RPS6KA2: variants seen among roughly 807,000 people sequenced by gnomAD.
RPS6KA2 encodes ribosomal protein S6 kinase alpha-2.
RPS6KA2 carries 42 observed loss-of-function variants against 91.8 expected under a neutral mutation model. The observed-to-expected ratio is 0.46, with a 90% CI of 0.36 to 0.59. RPS6KA2 has a LOEUF of 0.59. Among genes scored for constraint, RPS6KA2 ranks in the 20% least tolerant of loss-of-function variants. The pLI is 0.00. For synonymous variants in RPS6KA2, 414 were observed against 393.6 expected, an observed-to-expected ratio of 1.05 and a Z score of -0.61; for missense variants, 798 against 978.5, an observed-to-expected ratio of 0.82 and a Z score of 2.46.
chr6:166,546,305 C>G (rs1783825859), intron 1 of RPS6KA2, among the ~76,000 whole-genome samples: 1 of 152,048 alleles, frequency 6.6e-6, no homozygotes, highest in African/African-American at 2.4e-5. Context: ...TAGATGGGAC[C>G]ATTTCCGGTC....
chr6:166,410,031 G>T lies in RPS6KA2; in HGVS notation c.*2731C>A, dbSNP rs1459614267. 1 of 152,218 alleles carries T rather than the reference G, an allele frequency of 6.6e-6. No homozygotes were observed. Among genetic ancestry groups the T allele is most frequent in the African/African-American group, 2.4e-5 (1 of 41,450 alleles). 9.4% of individuals were successfully genotyped at this position (152,218 alleles called of 1,614,324 possible). On this transcript the variant is annotated 3_prime_UTR_variant, in exon 21 of 21. Transcript: ENST00000265678. Reference sequence around the variant, plus strand: ...AAAGCTCTCCCACTGCAGATTGGGAGAATCAGGTATTTCTCCCACATGGGG... The same window carrying T: ...AAAGCTCTCCCACTGCAGATTGGGATAATCAGGTATTTCTCCCACATGGGG...
intron 6 of RPS6KA2, among the ~76,000 whole-genome samples, chr6:166,503,759 T>C (rs1457564035): frequency 1.3e-5 from 2 of 152,210 alleles, no homozygotes; most frequent in South Asian, 2.1e-4. Flanking sequence ...ACAAAGAATA[T>C]GTAAAAACAA....
At chr6:166,658,110 G>C (rs778509774) in intron 2 of RPS6KA2, among the ~76,000 whole-genome samples, 1 of 152,144 alleles carries the variant, frequency 6.6e-6, no homozygotes, top group African/African-American at 2.4e-5. Context: ...TTAAACTCCC[G>C]ACCTCAGGTG....
intron 2 of RPS6KA2, among the ~76,000 whole-genome samples, chr6:166,797,156 G>A (rs760038640): frequency 6.6e-5 from 10 of 152,298 alleles, no homozygotes; most frequent in South Asian, 4.1e-4. Flanking sequence ...CTCTGCTGCC[G>A]CATCTCTGTG....
chr6:166,604,202 C>T (rs1012922135), intron 1 of RPS6KA2, among the ~76,000 whole-genome samples: 6 of 152,056 alleles, frequency 3.9e-5, no homozygotes, highest in Non-Finnish European at 7.4e-5. Context: ...GGAGATGTGA[C>T]GGGGACAAAT....
intron 2 of RPS6KA2, among the ~76,000 whole-genome samples, chr6:166,837,482 A>G (rs1780349845): frequency 6.6e-6 from 1 of 152,148 alleles, no homozygotes; most frequent in African/African-American, 2.4e-5. Flanking sequence ...GGAAAAGGCG[A>G]CCGCAGGGTG....
At chr6:166,486,327 G>A (rs1781409308) in intron 10 of RPS6KA2, among the ~76,000 whole-genome samples, 1 of 152,144 alleles carries the variant, frequency 6.6e-6, no homozygotes, top group South Asian at 2.1e-4. Flanking sequence ...GCTGCAGCAT[G>A]GGCCCTCTGT....
intron 3 of RPS6KA2, among the ~76,000 whole-genome samples, chr6:166,526,404 G>A (rs534350114): frequency 8.7e-5 from 12 of 138,590 alleles, no homozygotes; most frequent in Non-Finnish European, 1.5e-4. Context: ...GGAGTGCAGT[G>A]GCACAATCAC....
At chr6:166,796,765 A>G (rs928349081) in intron 2 of RPS6KA2, among the ~76,000 whole-genome samples, 16 of 152,112 alleles carry the variant, frequency 1.1e-4, no homozygotes, top group Admixed American at 6.5e-4. Flanking sequence ...CACAGTCCTG[A>G]GTGCACGCAC....
intron 2 of RPS6KA2, among the ~76,000 whole-genome samples, chr6:166,715,221 A>G (rs1256771845): frequency 6.6e-6 from 1 of 152,214 alleles, no homozygotes; most frequent in Non-Finnish European, 1.5e-5. Context: ...CTTCCCTCCA[A>G]CTTGGCTGGG....
At chr6:166,686,465 C>T (rs925606401) in intron 2 of RPS6KA2, among the ~76,000 whole-genome samples, 1 of 152,210 alleles carries the variant, frequency 6.6e-6, no homozygotes, top group African/African-American at 2.4e-5. Context: ...TGATGCCAAA[C>T]CAGCACCTCC....
intron 2 of RPS6KA2, among the ~76,000 whole-genome samples, chr6:166,831,882 A>G (rs1055727698): frequency 7.7e-6 from 1 of 129,450 alleles, no homozygotes; most frequent in African/African-American, 2.7e-5. Flanking sequence ...TGATAGACAG[A>G]TGATAGATGG....
chr6:166,585,498 C>CTTTTTT (rs58153048), intron 1 of RPS6KA2, among the ~76,000 whole-genome samples: 1 of 86,306 alleles, frequency 1.2e-5, no homozygotes, highest in Non-Finnish European at 2.0e-5. Flanking sequence ...TCAAACAAGT[C>CTTTTTT]TTTTTTTTTT....
At chr6:166,620,982 G>A (rs1209802619) in intron 1 of RPS6KA2, among the ~76,000 whole-genome samples, 1 of 152,170 alleles carries the variant, frequency 6.6e-6, no homozygotes, top group Non-Finnish European at 1.5e-5. Context: ...GACACCACCT[G>A]CTCCATGCCT....
At chr6:166,748,266 C>T (rs968536063) in intron 2 of RPS6KA2, among the ~76,000 whole-genome samples, 9 of 152,114 alleles carry the variant, frequency 5.9e-5, no homozygotes, top group Non-Finnish European at 1.0e-4. Context: ...GAGTGCGGGC[C>T]AGGCTTCCGG....
At chr6:166,579,700 T>C (rs1378551045) in intron 1 of RPS6KA2, among the ~76,000 whole-genome samples, 1 of 152,186 alleles carries the variant, frequency 6.6e-6, no homozygotes, top group South Asian at 2.1e-4. Flanking sequence ...AACCGCTCCT[T>C]TGGCAGAAGA....
chr6:166,617,206 T>G, intron 1 of RPS6KA2, among the ~76,000 whole-genome samples: 1 of 152,246 alleles, frequency 6.6e-6, no homozygotes, highest in East Asian at 1.9e-4. Context: ...ATAAAACCTA[T>G]TCTAGAAGCA....
chr6:166,768,829 T>C (rs6902529), intron 2 of RPS6KA2, among the ~76,000 whole-genome samples: 10,454 of 152,166 alleles, frequency 0.069, 1,221 homozygotes, highest in African/African-American at 0.24. Flanking sequence ...CTGGAAACAC[T>C]GCCAGGAGTT....
chr6:166,543,403 C>T (rs1302809621), intron 1 of RPS6KA2, among the ~76,000 whole-genome samples: 2 of 152,174 alleles, frequency 1.3e-5, no homozygotes, highest in Non-Finnish European at 2.9e-5. Flanking sequence ...CTAAACTTGG[C>T]TTCGTCTAGA....
Sources: gnomAD v4.1 joint callset for allele counts (sites outside exome capture counted in the v4.1 genomes callset) on GRCh38, gnomAD v4.1.1 for gene constraint, MANE v1.5 for transcripts, NCBI Gene and HGNC (gene_info 2026-07-23, HGNC 2026-07-21) for gene names.